The following RBFOX1 variants were observed in gnomAD, a reference collection of about 807,000 sequenced individuals.
The protein encoded by RBFOX1 is RNA binding fox-1 homolog 1, also known as RNA binding protein fox-1 homolog 1.
A neutral mutation model predicts 57.7 loss-of-function variants in RBFOX1; 8 were observed. The observed-to-expected ratio is 0.14, with a 90% CI of 0.08 to 0.25. The LOEUF (loss-of-function observed/expected upper bound fraction) is 0.25, where lower values mean the gene tolerates loss of function less well. RBFOX1 is among the 10% of genes least tolerant of loss of function. The probability of loss-of-function intolerance (pLI) is 1.00; values close to 1 mark genes in which losing one functional copy is unlikely to be tolerated. For missense variants in RBFOX1, 611 were observed against 548.5 expected, an observed-to-expected ratio of 1.11 and a Z score of -1.14; for synonymous variants, 326 against 222.4, an observed-to-expected ratio of 1.47 and a Z score of -4.15.
At chr16:6,483,787 ACGG>A in intron 2 of RBFOX1, 1 of 1,392,002 alleles carries the variant, frequency 7.2e-7, no homozygotes, top group East Asian at 2.6e-5. Flanking sequence ...TAGCGCAGAC[ACGG>A]TGGCGGCGTG....
intron 4 of RBFOX1, among the ~76,000 whole-genome samples, chr16:7,220,074 G>A (rs1358377295): frequency 1.3e-5 from 2 of 152,154 alleles, no homozygotes; most frequent in African/African-American, 4.8e-5. Context: ...TTTGACCTTA[G>A]AGAGATCAAT....
intron 4 of RBFOX1, among the ~76,000 whole-genome samples, chr16:5,976,196 C>G (rs2060059352): frequency 6.6e-6 from 1 of 152,012 alleles, no homozygotes; most frequent in African/African-American, 2.4e-5. Context: ...TTAGTATTTT[C>G]TAGCCCGCCA....
chr16:6,922,522 CTT>C (rs112590087), intron 3 of RBFOX1, among the ~76,000 whole-genome samples: 3,233 of 152,196 alleles, frequency 0.021, 117 homozygotes, highest in African/African-American at 0.073. Flanking sequence ...CATTTAAAAT[CTT>C]TTATTTTCCT....
intron 4 of RBFOX1, among the ~76,000 whole-genome samples, chr16:7,310,267 G>A (rs994757947): frequency 1.3e-5 from 2 of 152,212 alleles, no homozygotes; most frequent in African/African-American, 2.4e-5. Flanking sequence ...CCTGGCATAC[G>A]ATGAGGAAAG....
intron 4 of RBFOX1, among the ~76,000 whole-genome samples, chr16:7,227,410 C>G (rs1052113019): frequency 3.3e-5 from 5 of 151,918 alleles, no homozygotes; most frequent in Non-Finnish European, 5.9e-5. Flanking sequence ...CTCCACAATG[C>G]AGGAATTTTG....
chr16:5,999,733 C>A (rs920565994), intron 4 of RBFOX1, among the ~76,000 whole-genome samples: 1 of 151,736 alleles, frequency 6.6e-6, no homozygotes, highest in Non-Finnish European at 1.5e-5. Flanking sequence ...TGGTGGCGGG[C>A]GCCTGTAGTC....
intron 2 of RBFOX1, among the ~76,000 whole-genome samples, chr16:6,605,611 C>G (rs556843639): frequency 6.6e-6 from 1 of 152,290 alleles, no homozygotes; most frequent in South Asian, 2.1e-4. Flanking sequence ...CATGTAGTGA[C>G]TTCAAGTACA....
intron 4 of RBFOX1, among the ~76,000 whole-genome samples, chr16:5,943,211 A>G (rs1027748892): frequency 2.6e-5 from 4 of 152,138 alleles, no homozygotes; most frequent in Admixed American, 2.0e-4. Flanking sequence ...ACCTGCATTC[A>G]CATCATCTGG....
intron 1 of RBFOX1, among the ~76,000 whole-genome samples, chr16:6,141,664 T>A (rs1476844628): frequency 6.6e-6 from 1 of 152,194 alleles, no homozygotes; most frequent in Non-Finnish European, 1.5e-5. Flanking sequence ...AATATTCTTT[T>A]CAGCCCTCTT....
chr16:6,961,498 A>T (rs1010647206), intron 3 of RBFOX1, among the ~76,000 whole-genome samples: 4 of 152,242 alleles, frequency 2.6e-5, no homozygotes, highest in Non-Finnish European at 5.9e-5. Context: ...GAAATTGCAG[A>T]AGAAAGAATC....
rs142440117 is a variant in RBFOX1, at chr16:6,899,887, A to G, written c.-15-152170A>G. ...GCCATGTCCAGGTGTGAAGTTAACA[A>G]TGAGAGAGATTTTTTTGCCCATGTT... is the stretch of plus-strand genomic sequence containing the variant. On this transcript the variant is annotated intron_variant, in intron 3 of 15. Coordinates refer to ENST00000550418, the MANE Select transcript of RBFOX1 (RefSeq NM_018723.4). 3.0e-3 allele frequency among the ~76,000 whole-genome samples: 461 copies of G among 152,284 alleles called. 3 individuals carry two copies. The highest frequency in any genetic ancestry group is 1.3e-3 in the Non-Finnish European group (88 of 68,026).
intron 3 of RBFOX1, among the ~76,000 whole-genome samples, chr16:6,990,113 T>C (rs1253795128): frequency 6.6e-6 from 1 of 152,218 alleles, no homozygotes; most frequent in Non-Finnish European, 1.5e-5. Flanking sequence ...TGTGAACATA[T>C]GTCACCAACA....
intron 3 of RBFOX1, among the ~76,000 whole-genome samples, chr16:5,641,759 G>T (rs988086218): frequency 6.6e-6 from 1 of 152,188 alleles, no homozygotes. Context: ...CAGGGGGTCA[G>T]TTCTTGGAGA....
chr16:5,926,416 C>T (rs1297502727), intron 4 of RBFOX1, among the ~76,000 whole-genome samples: 1 of 151,970 alleles, frequency 6.6e-6, no homozygotes, highest in East Asian at 1.9e-4. Flanking sequence ...GAGTTGTTAG[C>T]TGACTGGGGG....
At chr16:5,426,978 A>T (rs1309002475) in intron 1 of RBFOX1, among the ~76,000 whole-genome samples, 1 of 152,146 alleles carries the variant, frequency 6.6e-6, no homozygotes, top group Non-Finnish European at 1.5e-5. Context: ...TCAAATTCAT[A>T]TCGGCTTCCA....
At chr16:5,694,687 G>C (rs1007463574) in intron 3 of RBFOX1, among the ~76,000 whole-genome samples, 4 of 151,910 alleles carry the variant, frequency 2.6e-5, no homozygotes, top group African/African-American at 7.3e-5. Flanking sequence ...CTCTTAGGGA[G>C]ACTGGCCCTG....
At chr16:6,878,137 C>G (rs2062185483) in intron 3 of RBFOX1, among the ~76,000 whole-genome samples, 1 of 152,004 alleles carries the variant, frequency 6.6e-6, no homozygotes, top group Non-Finnish European at 1.5e-5. Context: ...GAAGTGATAG[C>G]TAATGTTTGT....
chr16:7,335,984 A>G (rs1326537751), intron 4 of RBFOX1, among the ~76,000 whole-genome samples: 1 of 152,234 alleles, frequency 6.6e-6, no homozygotes, highest in Non-Finnish European at 1.5e-5. Context: ...AGTATTCCCA[A>G]GTGCATTGTA....
intron 1 of RBFOX1, among the ~76,000 whole-genome samples, chr16:6,272,882 A>T (rs1599044017): frequency 6.6e-6 from 1 of 152,220 alleles, no homozygotes; most frequent in Non-Finnish European, 1.5e-5. Flanking sequence ...GGAATTCTTG[A>T]CCAAAATTTT....
Sources: allele counts gnomAD v4.1 joint callset (sites outside exome capture counted in the v4.1 genomes callset), GRCh38; gene constraint gnomAD v4.1.1; transcripts MANE v1.5; gene names NCBI Gene and HGNC (gene_info 2026-07-23, HGNC 2026-07-21).